GPR176: variants seen among roughly 807,000 people sequenced by gnomAD.
GPR176 encodes the protein G-protein coupled receptor 176.
GPR176 carries 26 observed loss-of-function variants against 35.4 expected under a neutral mutation model. The ratio of observed to expected loss-of-function variants is 0.74; its 90% CI spans 0.54 to 1.02. The LOEUF (loss-of-function observed/expected upper bound fraction) is 1.02, where lower values mean the gene tolerates loss of function less well. Among genes scored for constraint, GPR176 ranks in the 50% least tolerant of loss-of-function variants. GPR176 has a pLI of 0.00. For synonymous variants in GPR176, 278 were observed against 271.3 expected, an observed-to-expected ratio of 1.02 and a Z score of -0.24; for missense variants, 597 against 665.3, an observed-to-expected ratio of 0.90 and a Z score of 1.13.
intron 1 of GPR176, among the ~76,000 whole-genome samples, chr15:39,817,095 C>T (rs1039598080): frequency 1.0e-5 from 1 of 97,814 alleles, no homozygotes; most frequent in Non-Finnish European, 2.1e-5. Context: ...CTTTGAAAAA[C>T]ATTAATCAAT....
intron 1 of GPR176, among the ~76,000 whole-genome samples, chr15:39,845,228 GCT>G (rs1478044176): frequency 3.9e-5 from 6 of 151,978 alleles, no homozygotes; most frequent in Admixed American, 2.0e-4. Context: ...TAAACCAAGA[GCT>G]CACAGAGATC....
At chr15:39,811,500 T>C (rs1441637091) in intron 1 of GPR176, among the ~76,000 whole-genome samples, 1 of 152,176 alleles carries the variant, frequency 6.6e-6, no homozygotes, top group Admixed American at 6.5e-5. Flanking sequence ...TGTTTCAAAT[T>C]TCAAACTTTT....
chr15:39,895,086 G>A (rs1329702609), intron 1 of GPR176, among the ~76,000 whole-genome samples: 6 of 152,334 alleles, frequency 3.9e-5, no homozygotes, highest in Admixed American at 6.5e-5. Flanking sequence ...CAGGCGTGGC[G>A]GCGCCAGCCT....
At chr15:39,807,511 T>C (rs1035792594) in intron 1 of GPR176, 16 of 1,433,670 alleles carry the variant, frequency 1.1e-5, no homozygotes, top group African/African-American at 4.3e-5. Context: ...TTGGGCAAAA[T>C]AGTATTATAA....
chr15:39,873,101 G>A (rs561213548), intron 1 of GPR176, among the ~76,000 whole-genome samples: 25 of 152,276 alleles, frequency 1.6e-4, no homozygotes, highest in African/African-American at 6.0e-4. Flanking sequence ...TACAGGTGCT[G>A]ATAGCTAACA....
intron 1 of GPR176, among the ~76,000 whole-genome samples, chr15:39,912,161 T>C (rs1370630037): frequency 6.6e-6 from 1 of 152,186 alleles, no homozygotes; most frequent in Non-Finnish European, 1.5e-5. Flanking sequence ...TTTTTTAAGA[T>C]AAAGTTTTCT....
chr15:39,832,557 G>C (rs1040591281), intron 1 of GPR176, among the ~76,000 whole-genome samples: 1 of 151,220 alleles, frequency 6.6e-6, no homozygotes, highest in Non-Finnish European at 1.5e-5. Flanking sequence ...CTAGAGCAAG[G>C]GTGTCCAATA....
chr15:39,857,192 T>C (rs1322719619), intron 1 of GPR176, among the ~76,000 whole-genome samples: 4 of 152,198 alleles, frequency 2.6e-5, no homozygotes, highest in Non-Finnish European at 5.9e-5. Flanking sequence ...GGACAAAATC[T>C]TGATGAATGT....
intron 1 of GPR176, chr15:39,862,368 C>T (rs2031635633): frequency 6.6e-6 from 1 of 152,200 alleles, no homozygotes; most frequent in African/African-American, 2.4e-5. Flanking sequence ...TCAGGAAAAG[C>T]AGGCTTTTTG....
At chr15:39,854,616 T>C (rs971697125) in intron 1 of GPR176, among the ~76,000 whole-genome samples, 1 of 152,202 alleles carries the variant, frequency 6.6e-6, no homozygotes, top group Non-Finnish European at 1.5e-5. Flanking sequence ...CCAAGAGTTC[T>C]GTGATTTGGG....
chr15:39,915,007 C>A (rs2033687756), intron 1 of GPR176, among the ~76,000 whole-genome samples: 1 of 152,158 alleles, frequency 6.6e-6, no homozygotes, highest in South Asian at 2.1e-4. Flanking sequence ...AGTCGATTTC[C>A]CACCTTTCCC....
chr15:39,828,018 G>A (rs768236693), intron 1 of GPR176, among the ~76,000 whole-genome samples: 10 of 152,174 alleles, frequency 6.6e-5, no homozygotes, highest in Non-Finnish European at 1.2e-4. Context: ...GTGGTATTGG[G>A]AGATGGTATA....
At chr15:39,902,428 C>T (rs560771264) in intron 1 of GPR176, among the ~76,000 whole-genome samples, 2 of 152,320 alleles carry the variant, frequency 1.3e-5, no homozygotes, top group South Asian at 4.1e-4. Context: ...TGCAGAGAAA[C>T]AGGCAGTTAG....
intron 1 of GPR176, among the ~76,000 whole-genome samples, chr15:39,914,947 C>T (rs1019154585): frequency 1.3e-5 from 2 of 152,220 alleles, no homozygotes; most frequent in African/African-American, 4.8e-5. Context: ...TATAAGCAAG[C>T]ATGAGCAAAA....
At chr15:39,870,396 C>T (rs2032000166) in intron 1 of GPR176, among the ~76,000 whole-genome samples, 1 of 152,160 alleles carries the variant, frequency 6.6e-6, no homozygotes, top group Non-Finnish European at 1.5e-5. Context: ...CATTTCTATT[C>T]CCTTCAAGAG....
At chr15:39,816,450 G>C (rs1377101456) in intron 1 of GPR176, among the ~76,000 whole-genome samples, 4 of 152,034 alleles carry the variant, frequency 2.6e-5, no homozygotes, top group Non-Finnish European at 4.4e-5. Flanking sequence ...ATGTCTAACA[G>C]AATTCCTGCA....
intron 1 of GPR176, among the ~76,000 whole-genome samples, chr15:39,892,780 A>G (rs2032924367): frequency 6.6e-6 from 1 of 152,244 alleles, no homozygotes; most frequent in African/African-American, 2.4e-5. Context: ...AGCCTTCAGA[A>G]GGAACCAGCC....
intron 1 of GPR176, among the ~76,000 whole-genome samples, chr15:39,842,665 A>G (rs1029556573): frequency 6.6e-5 from 10 of 152,232 alleles, no homozygotes; most frequent in South Asian, 2.1e-4. Flanking sequence ...ATGAAGCAGG[A>G]CATGGGCTCT....
Position 39,919,986 on chromosome 15 carries a change from TC to T in GPR176, c.40del (p.Glu14SerfsTer13). ...CTCGGCGCCGGACGCGTTGTGCGGC[TC>T]GCTGGCATTTGGAGAGATCCAGCTC... ...NGSWISPNAS[E>X]PHNASGAEAA... On this transcript the variant is annotated frameshift_variant, in exon 1 of 3. Transcript: ENST00000561100. LOFTEE classifies it high-confidence loss of function. 1 of 1,460,802 alleles carries T rather than the reference TC, an allele frequency of 6.8e-7. No individual in the cohort carries two copies. Among genetic ancestry groups the T allele is most frequent in the Non-Finnish European group, 9.0e-7 (1 of 1,105,128 alleles). The allele number at this position is 1,460,802 out of a possible 1,614,324, so 90.5% of individuals were successfully genotyped here.
Sources: allele counts gnomAD v4.1 joint callset (sites outside exome capture counted in the v4.1 genomes callset), GRCh38; gene constraint gnomAD v4.1.1; transcripts MANE v1.5; gene names NCBI Gene and HGNC (gene_info 2026-07-23, HGNC 2026-07-21).